LSM6: variants seen among roughly 807,000 people sequenced by gnomAD.
The protein encoded by LSM6 is U6 snRNA-associated Sm-like protein LSm6.
A neutral mutation model predicts 13.5 loss-of-function variants in LSM6; 2 were observed. The ratio of observed to expected loss-of-function variants is 0.15; its 90% confidence interval spans 0.06 to 0.47. The LOEUF is 0.47. Among genes scored for constraint, LSM6 ranks in the 20% least tolerant of loss-of-function variants. The pLI is 0.97. For missense variants in LSM6, 58 were observed against 96.4 expected, an observed-to-expected ratio of 0.60 and a Z score of 1.67; for synonymous variants, 43 against 34.9, an observed-to-expected ratio of 1.23 and a Z score of -0.82.
At chr4:146,178,925 A>G (rs963998661) in intron 1 of LSM6, among the ~76,000 whole-genome samples, 4 of 152,076 alleles carry the variant, frequency 2.6e-5, no homozygotes, top group African/African-American at 9.7e-5. Flanking sequence ...TTTGCTTTCC[A>G]CCTCACAGGG....
intron 1 of LSM6, among the ~76,000 whole-genome samples, chr4:146,176,930 A>T (rs1730123951): frequency 6.6e-6 from 1 of 152,124 alleles, no homozygotes; most frequent in Non-Finnish European, 1.5e-5. Flanking sequence ...AGGCCTTCAT[A>T]CACATTGCTG....
chr4:146,177,435 A>G (rs1730135869), intron 1 of LSM6, among the ~76,000 whole-genome samples: 2 of 152,324 alleles, frequency 1.3e-5, no homozygotes, highest in Non-Finnish European at 2.9e-5. Context: ...CTAGAAATCC[A>G]TTATTTAGAA....
intron 3 of LSM6, among the ~76,000 whole-genome samples, chr4:146,187,892 G>T (rs1417487820): frequency 6.6e-6 from 1 of 152,152 alleles, no homozygotes; most frequent in Non-Finnish European, 1.5e-5. Context: ...AAATTGCTAT[G>T]ATTTTTATAG....
At position 146,189,694 on chromosome 4, in the gene LSM6, AT is replaced by A. The variant is rs200904656; in HGVS notation, c.*45del. On this transcript the variant is annotated 3_prime_UTR_variant, in exon 4 of 4. Coordinates refer to ENST00000296581, the MANE Select transcript of LSM6 (RefSeq NM_007080.3). ...AGCAACGCTTTTCATAGTTGGATAT[AT>A]TTTTTTATGAATTTTTTCTAATTTT... 29 of 1,537,466 alleles carry A rather than the reference AT, an allele frequency of 1.9e-5. No individual in the cohort carries two copies. Among genetic ancestry groups the A allele is most frequent in the African/African-American group, 9.7e-5 (7 of 72,184 alleles).
At position 146,183,204 on chromosome 4, in the gene LSM6, G is replaced by A. The variant is rs1195901426; in HGVS notation, c.94+189G>A. The A allele has an allele frequency of 1.3e-4, 62 of 471,820 alleles. No homozygotes were observed. In the East Asian group the frequency reaches 2.4e-3, roughly 18 times the overall value. The allele number at this position is 471,820 out of a possible 1,614,324, so 29.2% of individuals were successfully genotyped here. On this transcript the variant is annotated intron_variant, in intron 2 of 3. Coordinates refer to ENST00000296581, the MANE Select transcript of LSM6 (RefSeq NM_007080.3). ...AAGGACAACTCTGACAGTATAGCAT[G>A]TGCTTCTGCCTTTCAGTGTGATTTG... is the stretch of plus-strand genomic sequence containing the variant.
intron 2 of LSM6, among the ~76,000 whole-genome samples, chr4:146,185,370 A>T (rs1039523680): frequency 3.3e-5 from 5 of 151,862 alleles, no homozygotes; most frequent in Admixed American, 6.6e-5. Context: ...AGTAACCATA[A>T]TTTTTTTTCC....
Position 146,188,646 on chromosome 4 carries a change from C to T in LSM6, c.209-976C>T, listed in dbSNP as rs139421407. ...TGGAAGGTGGAAGGGAGAACCACCT[C>T]TAGTTTGGCCAAAGTGACCCAAGCA... On this transcript the variant is annotated intron_variant, in intron 3 of 3. Coordinates refer to ENST00000296581, the MANE Select transcript of LSM6 (RefSeq NM_007080.3). Among the ~76,000 whole-genome samples the T allele has an allele frequency of 4.5e-3, 684 of 152,248 alleles. 14 individuals carry two copies. The highest frequency in any genetic ancestry group is 0.042 in the Admixed American group (641 of 15,292).
rs540667150 is a variant in LSM6, at chr4:146,176,631, A to G, written c.-11+820A>G. 15 of 151,882 alleles carry G rather than the reference A, an allele frequency of 9.9e-5. 1 individual carries two copies. The Middle Eastern group carries it at 0.02, about 207-fold the overall frequency. The allele number at this position is 151,882 out of a possible 1,614,324, so 9.4% of individuals were successfully genotyped here. On this transcript the variant is annotated intron_variant, in intron 1 of 3. Transcript: ENST00000296581. Reference sequence around the variant, plus strand: ...AAGAGTGTACATGTTTAATCACTTAACAGTGTAGTTTTCCACTTCCATTTA... The same window carrying G: ...AAGAGTGTACATGTTTAATCACTTAGCAGTGTAGTTTTCCACTTCCATTTA...
intron 2 of LSM6, among the ~76,000 whole-genome samples, chr4:146,186,443 A>G (rs1408772116): frequency 6.6e-6 from 1 of 152,182 alleles, no homozygotes; most frequent in Non-Finnish European, 1.5e-5. Flanking sequence ...TTTCTAGGAA[A>G]TACCACTTTA....
In LSM6 at chr4:146,185,143, A is replaced by G. The variant is rs1018907340; in HGVS notation, c.94+2128A>G. 2.6e-5 allele frequency among the ~76,000 whole-genome samples: 4 copies of G among 152,280 alleles called. No individual in the cohort carries two copies. In the East Asian group the frequency reaches 7.7e-4, roughly 29 times the overall value. ...TTGACATATATTGTGAAGTTGACCA[A>G]ACATCTCTTTAGAATCAATTCCCTG... On this transcript the variant is annotated intron_variant, in intron 2 of 3. Transcript: ENST00000296581.
chr4:146,188,763 C>A (rs549118194), intron 3 of LSM6, among the ~76,000 whole-genome samples: 25 of 152,054 alleles, frequency 1.6e-4, no homozygotes, highest in Non-Finnish European at 2.8e-4. Flanking sequence ...TAGGTAACAC[C>A]AAAGTATGAG....
chr4:146,188,422 G>A (rs1484427042), intron 3 of LSM6, among the ~76,000 whole-genome samples: 4 of 151,980 alleles, frequency 2.6e-5, no homozygotes, highest in Admixed American at 2.6e-4. Flanking sequence ...GTTGGGGGGC[G>A]GCTGTACTGG....
intron 1 of LSM6, chr4:146,176,196 G>A (rs1403186738): frequency 6.6e-6 from 1 of 152,290 alleles, no homozygotes; most frequent in African/African-American, 2.4e-5. Flanking sequence ...CCAAGATTCG[G>A]CGGGAAAGCG....
chr4:146,180,417 G>A (rs1730207278), intron 1 of LSM6, among the ~76,000 whole-genome samples: 1 of 152,184 alleles, frequency 6.6e-6, no homozygotes. Context: ...AAGCATAATG[G>A]ACAAGGCGTT....
At chr4:146,179,535 T>C (rs1290413654) in intron 1 of LSM6, among the ~76,000 whole-genome samples, 3 of 152,214 alleles carry the variant, frequency 2.0e-5, no homozygotes, top group Non-Finnish European at 2.9e-5. Context: ...CCATATACTC[T>C]TTTCCAAATA....
chr4:146,183,624 C>T (rs1730278998), intron 2 of LSM6: 1 of 152,412 alleles, frequency 6.6e-6, no homozygotes, highest in South Asian at 2.1e-4. Flanking sequence ...TGTTAAGTTA[C>T]CTGAAATATT....
chr4:146,185,778 C>T (rs150464130), intron 2 of LSM6, among the ~76,000 whole-genome samples: 132 of 151,918 alleles, frequency 8.7e-4, no homozygotes, highest in African/African-American at 3.2e-3. Context: ...ACTCTTTCGC[C>T]CAGGCTGGAG....
Position 146,189,805 on chromosome 4 carries a change from T to G in LSM6, c.*149T>G, listed in dbSNP as rs1321653194. The stretch of plus-strand genomic sequence containing the variant: ...ATGTGAGTAAGATAAATGTATACAA[T>G]TGTGGATTTAATTGTGAAATGTTCT... On this transcript the variant is annotated 3_prime_UTR_variant, in exon 4 of 4. Coordinates refer to ENST00000296581, the MANE Select transcript of LSM6 (RefSeq NM_007080.3). 1.0e-5 allele frequency: 6 copies of G among 578,884 alleles called. No individual in the cohort carries two copies. In the East Asian group the frequency reaches 1.8e-4, roughly 17 times the overall value. The allele number at this position is 578,884 out of a possible 1,614,324, so 35.9% of individuals were successfully genotyped here.
intron 2 of LSM6, among the ~76,000 whole-genome samples, chr4:146,186,112 C>A (rs1730343624): frequency 6.6e-6 from 1 of 152,136 alleles, no homozygotes; most frequent in Admixed American, 6.5e-5. Flanking sequence ...TTTTCTTGCT[C>A]ATTTATAATT....
Sources: allele counts gnomAD v4.1 joint callset (sites outside exome capture counted in the v4.1 genomes callset), GRCh38; gene constraint gnomAD v4.1.1; transcripts MANE v1.5; gene names NCBI Gene and HGNC (gene_info 2026-07-23, HGNC 2026-07-21).